The following GNPAT variants were observed in gnomAD, a reference collection of about 807,000 sequenced individuals.
GNPAT encodes the protein glyceronephosphate O-acyltransferase, also known as dihydroxyacetone phosphate acyltransferase.
GNPAT carries 30 observed loss-of-function variants against 78.4 expected under a neutral mutation model. The observed-to-expected ratio is 0.38, with a 90% CI of 0.29 to 0.52. GNPAT has a LOEUF of 0.52. Among genes scored for constraint, GNPAT ranks in the 20% least tolerant of loss-of-function variants. The pLI, the probability that GNPAT is intolerant of heterozygous loss-of-function variation, is 0.84. For missense variants in GNPAT, 714 were observed against 812.2 expected, an observed-to-expected ratio of 0.88 and a Z score of 1.47; for synonymous variants, 271 against 281.1, an observed-to-expected ratio of 0.96 and a Z score of 0.36.
intron 11 of GNPAT, 64 bp from the exon 12 acceptor site, chr1:231,273,858 G>T: frequency 7.8e-7 from 1 of 1,286,668 alleles, no homozygotes; most frequent in Non-Finnish European, 1.1e-6. Flanking sequence ...GGGGGTACAT[G>T]TATTCAGATG....
At chr1:231,261,372 T>C (rs1466661730) in intron 3 of GNPAT, among the ~76,000 whole-genome samples, 1 of 151,944 alleles carries the variant, frequency 6.6e-6, no homozygotes, top group Non-Finnish European at 1.5e-5. Context: ...TATTTTGAAG[T>C]GTGAAATGGT....
At chr1:231,250,799 TC>T (rs1684873679) in intron 1 of GNPAT, among the ~76,000 whole-genome samples, 161 bp from the exon 2 acceptor site, 1 of 152,190 alleles carries the variant, frequency 6.6e-6, no homozygotes, top group Non-Finnish European at 1.5e-5. Flanking sequence ...TTTCTTTACA[TC>T]TCTTTTTTTT....
chr1:231,249,949 T>TA (rs1684846348), intron 1 of GNPAT, among the ~76,000 whole-genome samples: 1 of 151,838 alleles, frequency 6.6e-6, no homozygotes. Flanking sequence ...GAATAAGAAA[T>TA]AAAAAATTTG....
rs752761961 is a variant in GNPAT, at chr1:231,270,903, C to T, written c.1425C>T (p.Leu475=). Residue 475 remains leucine, a synonymous_variant, in exon 10 of 16, where the codon CTC becomes CTT. Transcript: ENST00000366647. ...VDGLMLQHIT[L]LMCSAYRNQL... ...GGCTTATGCTCCAGCACATCACTCT[C>T]CTCATGTGCTCAGCTTATAGGAACC... 3.1e-6 allele frequency: 5 copies of T among 1,613,926 alleles called. No individual in the cohort carries two copies. The South Asian group carries it at 3.3e-5, about 11-fold the overall frequency.
chr1:231,256,715 T>A (rs372840908), intron 2 of GNPAT, among the ~76,000 whole-genome samples: 6 of 152,194 alleles, frequency 3.9e-5, no homozygotes, highest in African/African-American at 1.4e-4. Flanking sequence ...CTCGATCTCC[T>A]GACCTCGTGA....
chr1:231,276,212 T>TA lies in GNPAT; in HGVS notation c.1999+20dup, dbSNP rs2102829145. On this transcript the variant is annotated intron_variant, in intron 15 of 15. Transcript: ENST00000366647. ...GAAATGCTTGGTAAGTGCAGTTTAATAAAATACAAGTTTTCACATTTTGTT... is the reference window on the plus strand; with the variant it reads ...GAAATGCTTGGTAAGTGCAGTTTAATAAAAATACAAGTTTTCACATTTTGTT... The TA allele has an allele frequency of 5.3e-6, 7 of 1,320,902 alleles. No homozygotes were observed. The highest frequency in any genetic ancestry group is 7.6e-6 in the Non-Finnish European group (7 of 915,394). 81.8% of individuals were successfully genotyped at this position (1,320,902 alleles called of 1,614,324 possible). A position where few individuals can be genotyped will look rare whatever the true frequency, so the allele number is the denominator to read the frequency against.
At chr1:231,258,795 T>TA (rs2102811160) in intron 2 of GNPAT, among the ~76,000 whole-genome samples, 1 of 150,878 alleles carries the variant, frequency 6.6e-6, no homozygotes, top group South Asian at 2.1e-4. Context: ...CACACCCAGC[T>TA]AATTTTTTTT....
chr1:231,248,997 G>C (rs1684822040), intron 1 of GNPAT, among the ~76,000 whole-genome samples: 1 of 152,144 alleles, frequency 6.6e-6, no homozygotes, highest in Admixed American at 6.5e-5. Context: ...GTGTATCTCT[G>C]TTGTTAAACA....
chr1:231,244,205 A>G (rs917144272), intron 1 of GNPAT, among the ~76,000 whole-genome samples: 5 of 152,176 alleles, frequency 3.3e-5, no homozygotes, highest in Non-Finnish European at 5.9e-5. Flanking sequence ...TGAGAAGACT[A>G]TAGGTTTCTG....
chr1:231,258,372 T>G (rs1222451240), intron 2 of GNPAT: 1 of 152,236 alleles, frequency 6.6e-6, no homozygotes, highest in Admixed American at 6.5e-5. Context: ...TCCCTTTTAG[T>G]CCAGTCTCAG....
rs202033127 is a variant in GNPAT, at chr1:231,265,762, T to C, written c.747T>C (p.Ser249=). The change falls in exon 6 of 16, where the codon TCT becomes TCC. Residue 249 remains serine (S), a synonymous_variant. Transcript: ENST00000366647. ...EFFLEGTRSR[S]AKTLTPKFGL... is the part of the protein sequence containing the mutation. ...TCCTCGAAGGGACAAGAAGCCGCTC[T>C]GCCAAGACATTGACTCCTAAATTTG... 1.3e-4 allele frequency: 214 copies of C among 1,602,928 alleles called. No homozygotes were observed. Among genetic ancestry groups the C allele is most frequent in the South Asian group, 2.6e-4 (24 of 90,876 alleles).
chr1:231,262,077 T>G (rs1351345138), intron 3 of GNPAT, among the ~76,000 whole-genome samples: 1 of 152,242 alleles, frequency 6.6e-6, no homozygotes, highest in Non-Finnish European at 1.5e-5. Context: ...CCAGTGAATC[T>G]TGAGATTGAT....
At chr1:231,260,430 A>G (rs532091371) in intron 2 of GNPAT, 77 bp from the exon 3 acceptor site, 1 of 965,000 alleles carries the variant, frequency 1.0e-6, no homozygotes, top group Non-Finnish European at 1.7e-6. Context: ...GGAACTAGTC[A>G]TACTGGTTTG....
chr1:231,273,648 A>C (rs990832896), intron 11 of GNPAT, among the ~76,000 whole-genome samples: 3 of 152,156 alleles, frequency 2.0e-5, no homozygotes, highest in African/African-American at 7.2e-5. Context: ...AGTAAAAGAA[A>C]ATCCATCACC....
chr1:231,251,366 A>C (rs141365065), intron 2 of GNPAT, among the ~76,000 whole-genome samples: 1 of 152,296 alleles, frequency 6.6e-6, no homozygotes, highest in East Asian at 1.9e-4. Flanking sequence ...TCGTCTGGGC[A>C]TAAGTGAAAT....
At chr1:231,244,646 G>T (rs1188288594) in intron 1 of GNPAT, among the ~76,000 whole-genome samples, 2 of 152,192 alleles carry the variant, frequency 1.3e-5, no homozygotes, top group Non-Finnish European at 2.9e-5. Flanking sequence ...GGATTATCAT[G>T]TTATGAGCCA....
intron 12 of GNPAT, among the ~76,000 whole-genome samples, 169 bp downstream of exon 12, chr1:231,274,231 T>A (rs1272905249): frequency 6.6e-6 from 1 of 152,206 alleles, no homozygotes; most frequent in African/African-American, 2.4e-5. Context: ...CAGTGAGACC[T>A]TGCTCCCCGC....
Position 231,241,281 on chromosome 1 carries a change from G to A in GNPAT, c.-98G>A. ...TGCAGAGGGTGCCGCCGCCCTAGGCGAAGTAGGGCCGTCCTGAGCGAAAGA... is the reference window on the plus strand; with the variant it reads ...TGCAGAGGGTGCCGCCGCCCTAGGCAAAGTAGGGCCGTCCTGAGCGAAAGA... On this transcript the variant is annotated 5_prime_UTR_variant, in exon 1 of 16. Coordinates refer to ENST00000366647, the MANE Select transcript of GNPAT (RefSeq NM_014236.4). 7.1e-7 allele frequency: 1 copy of A among 1,400,008 alleles called. No homozygotes were observed. The highest frequency in any genetic ancestry group is 1.0e-6 in the Non-Finnish European group (1 of 985,290). The allele number at this position is 1,400,008 out of a possible 1,614,324, so 86.7% of individuals were successfully genotyped here.
At chr1:231,259,232 G>A (rs1372857730) in intron 2 of GNPAT, among the ~76,000 whole-genome samples, 2 of 151,832 alleles carry the variant, frequency 1.3e-5, no homozygotes, top group Non-Finnish European at 2.9e-5. Context: ...AGAGGAAAGA[G>A]TTTATCCCAG....
Sources: allele counts gnomAD v4.1 joint callset (sites outside exome capture counted in the v4.1 genomes callset), GRCh38; gene constraint gnomAD v4.1.1; transcripts MANE v1.5; gene names NCBI Gene and HGNC (gene_info 2026-07-23, HGNC 2026-07-21).